Variants in TNS3 observed in about 807,000 individuals in gnomAD.
The protein encoded by TNS3 is tensin-3.
A neutral mutation model predicts 140.9 loss-of-function variants in TNS3; 45 were observed. The observed-to-expected ratio is 0.32, with a 90% confidence interval of 0.25 to 0.41. TNS3 has a LOEUF of 0.41. Among genes scored for constraint, TNS3 ranks in the 10% least tolerant of loss-of-function variants. TNS3 has a pLI of 1.00. For missense variants in TNS3, 1,716 were observed against 1,906.7 expected, an observed-to-expected ratio of 0.90 and a Z score of 1.86; for synonymous variants, 815 against 788.4, an observed-to-expected ratio of 1.03 and a Z score of -0.56.
intron 13 of TNS3, chr7:47,405,411 A>T (rs1793389049): frequency 4.5e-6 from 3 of 673,142 alleles, no homozygotes; most frequent in Non-Finnish European, 8.1e-6. Flanking sequence ...TCAGAGAATG[A>T]GTTACAACCG....
chr7:47,496,932 A>G lies in TNS3; in HGVS notation c.-115+9975T>C, dbSNP rs141109814. Among the ~76,000 whole-genome samples, 355 of 152,244 alleles carry G rather than the reference A, an allele frequency of 2.3e-3. 3 individuals are homozygous for G. Among genetic ancestry groups the G allele is most frequent in the African/African-American group, 8.2e-3 (339 of 41,552 alleles). The stretch of plus-strand genomic sequence containing the variant: ...GAAAGAAGGGCAGCCAGTCAGGGGA[A>G]AGGTCACAGAGCTGGCCAGAACCAA... On this transcript the variant is annotated intron_variant, in intron 3 of 30. Coordinates refer to ENST00000311160, the MANE Select transcript of TNS3 (RefSeq NM_022748.12).
intron 20 of TNS3, among the ~76,000 whole-genome samples, chr7:47,337,810 A>C: frequency 6.6e-6 from 1 of 151,388 alleles, no homozygotes; most frequent in Non-Finnish European, 1.5e-5. Flanking sequence ...CCGACCTCTT[A>C]CTCCACCACT....
At chr7:47,508,595 G>A (rs1465559943) in intron 2 of TNS3, among the ~76,000 whole-genome samples, 2 of 152,216 alleles carry the variant, frequency 1.3e-5, no homozygotes, top group African/African-American at 2.4e-5. Context: ...GCATGTCACA[G>A]GACCACGACA....
At chr7:47,471,693 C>T (rs1357576012) in intron 4 of TNS3, among the ~76,000 whole-genome samples, 1 of 152,208 alleles carries the variant, frequency 6.6e-6, no homozygotes, top group South Asian at 2.1e-4. Context: ...GAGCAGAATG[C>T]GGCAGTTTGG....
At chr7:47,292,588 G>A (rs1395220833) in intron 26 of TNS3, among the ~76,000 whole-genome samples, 1 of 152,190 alleles carries the variant, frequency 6.6e-6, no homozygotes, top group Admixed American at 6.5e-5. Context: ...TTGCTCTATA[G>A]AAATCTTTCA....
At chr7:47,524,573 C>T (rs533515354) in intron 2 of TNS3, among the ~76,000 whole-genome samples, 21 of 151,460 alleles carry the variant, frequency 1.4e-4, no homozygotes, top group Admixed American at 7.9e-4. Context: ...GAGGCCGAGG[C>T]GGGTGGATCA....
chr7:47,376,647 C>T (rs1020955959), intron 16 of TNS3, among the ~76,000 whole-genome samples: 18 of 151,724 alleles, frequency 1.2e-4, no homozygotes, highest in African/African-American at 3.9e-4. Flanking sequence ...AAACCAACCT[C>T]CCTCCACTCC....
At chr7:47,487,297 GA>G (rs11423288) in intron 3 of TNS3, among the ~76,000 whole-genome samples, 7 of 145,832 alleles carry the variant, frequency 4.8e-5, no homozygotes, top group African/African-American at 1.0e-4. Context: ...CGTCTCAAAA[GA>G]AAAAAAAAAA....
At chr7:47,461,211 G>A (rs960905224) in intron 4 of TNS3, among the ~76,000 whole-genome samples, 1 of 152,216 alleles carries the variant, frequency 6.6e-6, no homozygotes, top group African/African-American at 2.4e-5. Context: ...AGCTGAACCA[G>A]GCTGAGCAAA....
At chr7:47,518,256 C>T (rs1190409346) in intron 2 of TNS3, among the ~76,000 whole-genome samples, 2 of 152,192 alleles carry the variant, frequency 1.3e-5, no homozygotes, top group Non-Finnish European at 2.9e-5. Context: ...CCATTCGAGA[C>T]AGAGCAGCCC....
At chr7:47,463,530 G>A (rs1431046597) in intron 4 of TNS3, among the ~76,000 whole-genome samples, 4 of 152,136 alleles carry the variant, frequency 2.6e-5, no homozygotes, top group South Asian at 2.1e-4. Context: ...TAACACATGC[G>A]CTTTCTCCAC....
chr7:47,580,465 C>T (rs1353150279), intron 1 of TNS3, among the ~76,000 whole-genome samples: 8 of 152,118 alleles, frequency 5.3e-5, no homozygotes, highest in Non-Finnish European at 1.2e-4. Flanking sequence ...GGTCAGGAGT[C>T]GGGCTTGCTG....
intron 2 of TNS3, among the ~76,000 whole-genome samples, chr7:47,522,078 G>A (rs530489452): frequency 2.0e-5 from 3 of 152,314 alleles, no homozygotes; most frequent in African/African-American, 7.2e-5. Flanking sequence ...CTGGCCAGGG[G>A]CTCTCCCATT....
At chr7:47,473,962 C>A (rs1451943415) in intron 4 of TNS3, among the ~76,000 whole-genome samples, 1 of 152,170 alleles carries the variant, frequency 6.6e-6, no homozygotes, top group Non-Finnish European at 1.5e-5. Context: ...GACTCCATCA[C>A]GGTCACTGGG....
At chr7:47,545,652 C>G (rs56061997) in intron 1 of TNS3, among the ~76,000 whole-genome samples, 12,085 of 152,262 alleles carry the variant, frequency 0.079, 1,605 homozygotes, top group African/African-American at 0.27. Context: ...TCAGTTACCA[C>G]TGTCCTTTCG....
At chr7:47,362,056 G>A (rs571296247) in intron 17 of TNS3, among the ~76,000 whole-genome samples, 40 of 152,232 alleles carry the variant, frequency 2.6e-4, no homozygotes, top group East Asian at 9.6e-4. Context: ...AACCCACCAC[G>A]TGCAGGCTGA....
intron 18 of TNS3, among the ~76,000 whole-genome samples, chr7:47,345,258 C>T (rs575699984): frequency 2.6e-5 from 4 of 152,264 alleles, no homozygotes; most frequent in African/African-American, 4.8e-5. Flanking sequence ...GTAAAGGAAA[C>T]GGAAGGTATC....
intron 13 of TNS3, among the ~76,000 whole-genome samples, chr7:47,410,864 T>C (rs1447452435): frequency 6.6e-6 from 1 of 152,214 alleles, no homozygotes; most frequent in Non-Finnish European, 1.5e-5. Flanking sequence ...AAAATTTTCC[T>C]AAAATTATTT....
intron 25 of TNS3, among the ~76,000 whole-genome samples, chr7:47,293,128 T>C (rs1000602189): frequency 6.6e-6 from 1 of 152,250 alleles, no homozygotes; most frequent in African/African-American, 2.4e-5. Flanking sequence ...ATCATTCTTA[T>C]CATAGACACA....
Sources: allele counts gnomAD v4.1 joint callset (sites outside exome capture counted in the v4.1 genomes callset), GRCh38; gene constraint gnomAD v4.1.1; transcripts MANE v1.5; gene names NCBI Gene and HGNC (gene_info 2026-07-23, HGNC 2026-07-21).